Variants in GPM6B observed in about 807,000 individuals in gnomAD.
GPM6B encodes the protein neuronal membrane glycoprotein M6-b.
Under a neutral mutation model 27.2 loss-of-function variants are expected in GPM6B, and 4 were observed. That is an observed-to-expected ratio of 0.15 (90% CI 0.07 to 0.34). The LOEUF (loss-of-function observed/expected upper bound fraction) is 0.34. GPM6B is among the 10% of genes least tolerant of loss of function. The pLI is 1.00. For synonymous variants in GPM6B, 124 were observed against 103.1 expected (o/e 1.20, Z -1.23); for missense variants, 183 against 261.9 (o/e 0.70, Z 2.08).
intron 1 of GPM6B, among the ~76,000 whole-genome samples, chrX:13,871,407 A>G (rs2049977065): frequency 8.9e-6 from 1 of 112,267 alleles, no homozygotes; most frequent in East Asian, 2.8e-4. Context: ...TCCTGATTTA[A>G]TTGGCTTGGG....
chrX:13,871,114 CAA>C (rs372420351), intron 1 of GPM6B, among the ~76,000 whole-genome samples: 4,691 of 95,095 alleles, frequency 0.049, 100 homozygotes, highest in African/African-American at 0.084. Flanking sequence ...CAAAACAAAA[CAA>C]AAAAAAAAGA....
At chrX:13,884,346 T>C in intron 1 of GPM6B, among the ~76,000 whole-genome samples, 1 of 112,137 alleles carries the variant, frequency 8.9e-6, no homozygotes, top group Non-Finnish European at 1.9e-5. Flanking sequence ...ATATCTAGCA[T>C]AGTTCTCCAT....
intron 2 of GPM6B, among the ~76,000 whole-genome samples, chrX:13,792,819 G>C (rs773996514): frequency 7.4e-5 from 8 of 107,787 alleles, no homozygotes; most frequent in Non-Finnish European, 1.3e-4. Flanking sequence ...AGAATCGCTT[G>C]AACCAGGGAG....
chrX:13,924,455 G>A (rs939387240), intron 1 of GPM6B, among the ~76,000 whole-genome samples: 3 of 109,753 alleles, frequency 2.7e-5, no homozygotes, highest in Non-Finnish European at 5.7e-5. Context: ...GCGTATCACC[G>A]GCCAGGCTAA....
At chrX:13,774,025 T>G in intron 7 of GPM6B, 1 of 745,954 alleles carries the variant, frequency 1.3e-6, no homozygotes, top group African/African-American at 2.4e-5. Context: ...ATCTGGCTTA[T>G]TTGAGGGTCA....
At chrX:13,839,502 CT>C (rs2049546521) in intron 1 of GPM6B, among the ~76,000 whole-genome samples, 1 of 111,837 alleles carries the variant, frequency 8.9e-6, no homozygotes, top group African/African-American at 3.3e-5. Flanking sequence ...GAGTTTGACT[CT>C]TTTCAGCGAT....
At chrX:13,891,423 A>C (rs2050187707) in intron 1 of GPM6B, among the ~76,000 whole-genome samples, 1 of 110,390 alleles carries the variant, frequency 9.1e-6, no homozygotes, top group African/African-American at 3.4e-5. Flanking sequence ...AAACCAAAAA[A>C]AAACCAAACA....
intron 1 of GPM6B, among the ~76,000 whole-genome samples, chrX:13,886,628 T>C (rs1205537696): frequency 9.9e-6 from 1 of 100,909 alleles, no homozygotes; most frequent in Non-Finnish European, 1.9e-5. Flanking sequence ...ACATGGTCAC[T>C]TCCCCAGCCC....
chrX:13,788,770 G>A (rs2048659113), intron 2 of GPM6B, among the ~76,000 whole-genome samples: 1 of 109,905 alleles, frequency 9.1e-6, no homozygotes, highest in Non-Finnish European at 1.9e-5. Flanking sequence ...AGTGGGGTTA[G>A]AAGAATGATG....
chrX:13,904,617 C>T (rs781557636), intron 1 of GPM6B, among the ~76,000 whole-genome samples: 1 of 111,367 alleles, frequency 9.0e-6, no homozygotes, highest in African/African-American at 3.3e-5. Context: ...TGTACTACGA[C>T]AACACCGTTT....
chrX:13,874,346 A>G (rs1047237913), intron 1 of GPM6B, among the ~76,000 whole-genome samples: 1 of 111,352 alleles, frequency 9.0e-6, no homozygotes, highest in Non-Finnish European at 1.9e-5. Context: ...AGCACTGACT[A>G]TACTCAACAC....
At chrX:13,919,554 C>A (rs954486614) in intron 1 of GPM6B, among the ~76,000 whole-genome samples, 5 of 111,996 alleles carry the variant, frequency 4.5e-5, no homozygotes, top group Non-Finnish European at 7.5e-5. Context: ...ACATAAGCAC[C>A]TGACATTGAA....
chrX:13,780,056 G>A (rs1225358987), intron 4 of GPM6B, 67 bp from the exon 5 acceptor site: 1 of 969,775 alleles, frequency 1.0e-6, no homozygotes, highest in African/African-American at 1.9e-5. Context: ...CTAAGTGGAA[G>A]GATTGTGCAT....
chrX:13,809,619 TA>T (rs199934968), intron 1 of GPM6B, among the ~76,000 whole-genome samples: 4 of 109,082 alleles, frequency 3.7e-5, no homozygotes, highest in Non-Finnish European at 5.7e-5. Context: ...GTACTAAAAA[TA>T]AAAAAAATAT....
chrX:13,822,547 T>G (rs1663908719), intron 1 of GPM6B, among the ~76,000 whole-genome samples: 1 of 109,006 alleles, frequency 9.2e-6, no homozygotes. Context: ...TTTTTTTTTT[T>G]TGTATTTTTA....
At chrX:13,854,779 A>G (rs2049760802) in intron 1 of GPM6B, among the ~76,000 whole-genome samples, 1 of 112,081 alleles carries the variant, frequency 8.9e-6, no homozygotes, top group Non-Finnish European at 1.9e-5. Flanking sequence ...GATATGAACA[A>G]TTATTATTTG....
intron 1 of GPM6B, among the ~76,000 whole-genome samples, chrX:13,874,074 G>C (rs2050007261): frequency 9.0e-6 from 1 of 111,530 alleles, no homozygotes; most frequent in Non-Finnish European, 1.9e-5. Context: ...ATTTACAACG[G>C]ATATATTAAC....
At chrX:13,869,609 ACTT>A (rs2049954257) in intron 1 of GPM6B, among the ~76,000 whole-genome samples, 1 of 111,432 alleles carries the variant, frequency 9.0e-6, no homozygotes, top group Non-Finnish European at 1.9e-5. Context: ...CTCCCCTTGG[ACTT>A]CTTTACTCTC....
chrX:13,780,876 C>T, intron 4 of GPM6B: 1 of 280,866 alleles, frequency 3.6e-6, no homozygotes, highest in Non-Finnish European at 6.9e-6. Context: ...TGGTGGAGAC[C>T]TGATGGTCAC....
Sources: gnomAD v4.1 joint callset for allele counts (sites outside exome capture counted in the v4.1 genomes callset) on GRCh38, gnomAD v4.1.1 for gene constraint, MANE v1.5 for transcripts, NCBI Gene and HGNC (gene_info 2026-07-23, HGNC 2026-07-21) for gene names.